The following DHX32 variants were observed in gnomAD, a reference collection of about 807,000 sequenced individuals.
DHX32 encodes DEAH-box helicase 32 (putative), also known as putative pre-mRNA-splicing factor ATP-dependent RNA helicase DHX32.
DHX32 carries 51 observed loss-of-function variants against 70.0 expected under a neutral mutation model. That is an observed-to-expected ratio of 0.73 (90% CI 0.58 to 0.92). The LOEUF is 0.92. Among genes scored for constraint, DHX32 ranks in the 40% least tolerant of loss-of-function variants. The probability of loss-of-function intolerance (pLI) is 0.00; values close to 1 mark genes in which losing one functional copy is unlikely to be tolerated. For synonymous variants in DHX32, 310 were observed against 315.3 expected (o/e 0.98, Z 0.18); for missense variants, 762 against 891.8 (o/e 0.85, Z 1.85).
chr10:125,843,253 T>G (rs1162670316), intron 6 of DHX32, among the ~76,000 whole-genome samples: 2 of 152,108 alleles, frequency 1.3e-5, no homozygotes, highest in Non-Finnish European at 2.9e-5. Context: ...ACCTGTCTGC[T>G]CCTGGGAGTT....
chr10:125,842,787 G>T (rs927249089), intron 6 of DHX32: 2 of 946,924 alleles, frequency 2.1e-6, no homozygotes, highest in Admixed American at 1.2e-4. Context: ...TGCAAATAAA[G>T]AAATAAAGAT....
At chr10:125,852,671 G>A (rs374705004) in intron 4 of DHX32, 29 bp from the exon 5 acceptor site, 42 of 1,568,654 alleles carry the variant, frequency 2.7e-5, no homozygotes, top group African/African-American at 1.1e-4. Flanking sequence ...CATCATTAGC[G>A]TCAGATAAGT....
At chr10:125,889,338 A>T (rs1190212314) in intron 1 of DHX32, among the ~76,000 whole-genome samples, 4 of 152,216 alleles carry the variant, frequency 2.6e-5, no homozygotes, top group African/African-American at 9.6e-5. Flanking sequence ...GAACTCATAA[A>T]CAATATACTT....
Position 125,866,875 on chromosome 10 carries a change from C to T in DHX32, c.476+115G>A. 11 of 1,122,758 alleles carry T rather than the reference C, an allele frequency of 9.8e-6. No individual in the cohort carries two copies. In the South Asian group the frequency reaches 1.1e-4, roughly 11 times the overall value. The allele number at this position is 1,122,758 out of a possible 1,614,324, so 69.5% of individuals were successfully genotyped here. A position where few individuals can be genotyped will look rare whatever the true frequency, so the allele number is the denominator to read the frequency against. ...GCTGGCTGATGACAGAGACCAGTTG[C>T]TACTGCACAGCATAGATGCTTAACA... On this transcript the variant is annotated intron_variant, in intron 2 of 10. Transcript: ENST00000284690. The surrounding 1 kb of genome is among the most constrained non-coding windows in gnomAD (Gnocchi z 4.8).
At chr10:125,867,507 T>A (rs1034593450) in intron 1 of DHX32, among the ~76,000 whole-genome samples, 1 of 151,984 alleles carries the variant, frequency 6.6e-6, no homozygotes, top group Non-Finnish European at 1.5e-5. Flanking sequence ...GAGGCCGAGG[T>A]GGGCGGATCA....
In DHX32 at chr10:125,836,659, C is replaced by A; in HGVS notation, c.*28G>T. On this transcript the variant is annotated 3_prime_UTR_variant, in exon 11 of 11. Coordinates refer to ENST00000284690, the MANE Select transcript of DHX32 (RefSeq NM_018180.3). ...TCAGCCATCCAGCTACCTTTGGGACCCTGCTGCACCTTGTGTTTGCTGGGG... is the reference window on the plus strand; with the variant it reads ...TCAGCCATCCAGCTACCTTTGGGACACTGCTGCACCTTGTGTTTGCTGGGG... 1 of 1,602,580 alleles carries A rather than the reference C, an allele frequency of 6.2e-7. No individual in the cohort carries two copies. Among genetic ancestry groups the A allele is most frequent in the South Asian group, 1.1e-5 (1 of 89,190 alleles).
Position 125,836,524 on chromosome 10 carries a change from A to T in DHX32, c.*163T>A. 7.5e-7 allele frequency: 1 copy of T among 1,342,004 alleles called. No homozygotes were observed. The highest frequency in any genetic ancestry group is 9.7e-7 in the Non-Finnish European group (1 of 1,026,824). The allele number at this position is 1,342,004 out of a possible 1,614,324, so 83.1% of individuals were successfully genotyped here. A position where few individuals can be genotyped will look rare whatever the true frequency, so the allele number is the denominator to read the frequency against. On this transcript the variant is annotated 3_prime_UTR_variant, in exon 11 of 11. Transcript: ENST00000284690. The stretch of plus-strand genomic sequence containing the variant: ...GAGTAGTAATTTAAAGAACTCAATA[A>T]AAACTTCTATTTTTTATTTTAAAAT...
At chr10:125,840,240 G>A (rs1360624541) in intron 8 of DHX32, among the ~76,000 whole-genome samples, 1 of 152,148 alleles carries the variant, frequency 6.6e-6, no homozygotes, top group Non-Finnish European at 1.5e-5. Context: ...TGACTTCTGA[G>A]TACCTTCCTG....
upstream of DHX32, among the ~76,000 whole-genome samples, chr10:125,886,013 C>T (rs1944339262): frequency 3.3e-5 from 5 of 152,226 alleles, no homozygotes; most frequent in Admixed American, 3.3e-4. Flanking sequence ...CTTAAGAGGA[C>T]CAACAATCAC....
At position 125,840,982 on chromosome 10, in the gene DHX32, A is replaced by G; in HGVS notation, c.1558T>C (p.Ser520Pro). The change falls in exon 8 of 11, where the codon TCA becomes CCA. Residue 520 changes from serine (S) to proline (P), a missense_variant. Ser to Pro is a moderately conservative substitution (Grantham distance 74). Coordinates refer to ENST00000284690, the MANE Select transcript of DHX32 (RefSeq NM_018180.3). ...AAMVTAPNCF[S>P]HVPHGAEEAA... is the part of the protein sequence containing the mutation. ...TCTTCAGCTCCATGTGGCACATGTG[A>G]AAAGCAATTTGGAGCTTCAAAATGA... is the stretch of plus-strand genomic sequence containing the variant. 6.2e-7 allele frequency: 1 copy of G among 1,600,636 alleles called. No homozygotes were observed. The highest frequency in any genetic ancestry group is 8.5e-7 in the Non-Finnish European group (1 of 1,171,986).
intron 6 of DHX32, among the ~76,000 whole-genome samples, chr10:125,851,158 T>C (rs956305319): frequency 2.6e-5 from 4 of 152,240 alleles, no homozygotes; most frequent in Non-Finnish European, 4.4e-5. Context: ...GTTTGCTGGA[T>C]TTGCATATTT....
chr10:125,893,455 G>A (rs1944383064), intron 1 of DHX32, among the ~76,000 whole-genome samples: 1 of 152,200 alleles, frequency 6.6e-6, no homozygotes. Context: ...GTGTTACCCA[G>A]CATGGTCTCG....
At chr10:125,894,747 C>G (rs1165265664) in intron 1 of DHX32, among the ~76,000 whole-genome samples, 4 of 152,260 alleles carry the variant, frequency 2.6e-5, no homozygotes, top group African/African-American at 9.7e-5. Flanking sequence ...TTTCTTTTGT[C>G]AATAAATGCC....
At chr10:125,868,743 A>G (rs1564830106) in intron 1 of DHX32, among the ~76,000 whole-genome samples, 2 of 152,160 alleles carry the variant, frequency 1.3e-5, no homozygotes, top group African/African-American at 4.8e-5. Flanking sequence ...TAAACCACAA[A>G]TTTTCTAAGC....
intron 1 of DHX32, among the ~76,000 whole-genome samples, chr10:125,891,365 A>C (rs1944369947): frequency 6.6e-6 from 1 of 151,516 alleles, no homozygotes; most frequent in African/African-American, 2.4e-5. Flanking sequence ...TTTTTTTTTT[A>C]AGTATTTGCT....
At chr10:125,885,658 C>T (rs189596899), upstream of DHX32, among the ~76,000 whole-genome samples, 177 of 152,224 alleles carry the variant, frequency 1.2e-3, 8 homozygotes, top group African/African-American at 1.8e-3. Context: ...GACCGACAAC[C>T]GACTTCTGAT....
At chr10:125,895,416 C>CT (rs1440138270) in intron 1 of DHX32, among the ~76,000 whole-genome samples, 1 of 151,626 alleles carries the variant, frequency 6.6e-6, no homozygotes, top group Non-Finnish European at 1.5e-5. Flanking sequence ...ATCCTGCAGC[C>CT]CCCCACACCC....
At chr10:125,883,901 C>T (rs1289629433), upstream of DHX32, among the ~76,000 whole-genome samples, 1 of 152,204 alleles carries the variant, frequency 6.6e-6, no homozygotes, top group Non-Finnish European at 1.5e-5. Context: ...AGAACCCATG[C>T]CACTGTGTGG....
At chr10:125,862,304 C>T (rs1353553294) in intron 2 of DHX32, among the ~76,000 whole-genome samples, 1 of 152,170 alleles carries the variant, frequency 6.6e-6, no homozygotes, top group East Asian at 1.9e-4. Context: ...AGGTTCTCAT[C>T]CTGTGTCTTT....
Sources: allele counts gnomAD v4.1 joint callset (sites outside exome capture counted in the v4.1 genomes callset), GRCh38; gene constraint gnomAD v4.1.1; non-coding constraint Gnocchi (gnomAD v3.1); transcripts MANE v1.5; gene names NCBI Gene and HGNC (gene_info 2026-07-23, HGNC 2026-07-21).